The following PPP6C variants were observed in gnomAD, a reference collection of about 807,000 sequenced individuals.
PPP6C encodes protein phosphatase 6 catalytic subunit.
In PPP6C, 11 loss-of-function variants were observed where a neutral mutation model predicts 39.8. The observed-to-expected ratio is 0.28, with a 90% confidence interval of 0.17 to 0.46. The LOEUF is 0.46. Among genes scored for constraint, PPP6C ranks in the 20% least tolerant of loss-of-function variants. The pLI is 1.00. For synonymous variants in PPP6C, 129 were observed against 130.3 expected, an observed-to-expected ratio of 0.99 and a Z score of 0.07; for missense variants, 211 against 373.9, an observed-to-expected ratio of 0.56 and a Z score of 3.59.
At chr9:125,171,736 T>C (rs2034981737) in intron 1 of PPP6C, among the ~76,000 whole-genome samples, 1 of 151,756 alleles carries the variant, frequency 6.6e-6, no homozygotes, top group Non-Finnish European at 1.5e-5. Flanking sequence ...GTATTTTTAG[T>C]AGACACAGGG....
In PPP6C at chr9:125,171,476, CACATATATATATAT is replaced by C. The variant is rs1339103827; in HGVS notation, c.76-310_76-297del. On this transcript the variant is annotated intron_variant, in intron 1 of 6. Transcript: ENST00000373547. ...ACACACATATACACACACACACACA[CACATATATATATAT>C]ATATATATATATATATATATATATA... is the stretch of plus-strand genomic sequence containing the variant. Among the ~76,000 whole-genome samples the C allele has an allele frequency of 4.2e-3, 243 of 57,180 alleles. 2 individuals are homozygous for C. The highest frequency in any genetic ancestry group is 0.023 in the South Asian group (40 of 1,742). The allele number at this position is 57,180 out of a possible 152,430, so 37.5% of individuals were successfully genotyped here. A position where few individuals can be genotyped will look rare whatever the true frequency, so the allele number is the denominator to read the frequency against.
chr9:125,161,006 C>T, intron 2 of PPP6C, 100 bp from the exon 3 acceptor site: 1 of 676,988 alleles, frequency 1.5e-6, no homozygotes, highest in Non-Finnish European at 2.3e-6. Flanking sequence ...TAAGAGGACT[C>T]CAAATATTTA....
intron 1 of PPP6C, among the ~76,000 whole-genome samples, chr9:125,180,923 G>C (rs1449992246): frequency 6.6e-6 from 1 of 152,138 alleles, no homozygotes; most frequent in Non-Finnish European, 1.5e-5. Context: ...GAGAACACGT[G>C]TAAACTACCT....
chr9:125,189,066 A>C, intron 1 of PPP6C: 2 of 713,546 alleles, frequency 2.8e-6, no homozygotes, highest in Non-Finnish European at 2.3e-6. Context: ...AATTAGCAAA[A>C]CCGACGATCC....
In PPP6C at chr9:125,157,522, C is replaced by T. The variant is rs563111744; in HGVS notation, c.379+719G>A. ...AGGTATGTCCCCATTTTAGTGTGCA[C>T]GTGTTTGTACATATATAAACACACA... On this transcript the variant is annotated intron_variant, in intron 4 of 6. Transcript: ENST00000373547. Among the ~76,000 whole-genome samples the T allele has an allele frequency of 2.8e-4, 42 of 152,130 alleles. No homozygotes were observed. The South Asian group carries it at 8.5e-3, about 31-fold the overall frequency.
chr9:125,171,521 A>G (rs1829165050), intron 1 of PPP6C, among the ~76,000 whole-genome samples: 1 of 141,602 alleles, frequency 7.1e-6, no homozygotes, highest in Admixed American at 7.3e-5. Flanking sequence ...ATATATGAAG[A>G]AATAATTTTA....
intron 4 of PPP6C, among the ~76,000 whole-genome samples, chr9:125,157,054 T>C (rs552559571): frequency 1.3e-5 from 2 of 152,238 alleles, no homozygotes; most frequent in African/African-American, 4.8e-5. Context: ...TATGTATACA[T>C]GTGTCATGTT....
At chr9:125,154,251 T>C (rs1836016894) in intron 4 of PPP6C, among the ~76,000 whole-genome samples, 1 of 152,232 alleles carries the variant, frequency 6.6e-6, no homozygotes, top group African/African-American at 2.4e-5. Context: ...GTGAACATCA[T>C]CGGATGTCCT....
chr9:125,174,136 T>C (rs531619231), intron 1 of PPP6C, among the ~76,000 whole-genome samples: 21 of 152,322 alleles, frequency 1.4e-4, no homozygotes, highest in Admixed American at 1.1e-3. Flanking sequence ...CAAAGGCTTA[T>C]TGGATTTTAC....
rs148599628 is a variant in PPP6C, at chr9:125,176,431, G to A, written c.76-5251C>T. On this transcript the variant is annotated intron_variant, in intron 1 of 6. Transcript: ENST00000373547. The stretch of plus-strand genomic sequence containing the variant: ...AGCACTTTGGGAGGCCGAGGTGAGC[G>A]TATCACTTGAGCTCAGGAGTTCGAG... Among the ~76,000 whole-genome samples the A allele has an allele frequency of 7.7e-4, 117 of 152,262 alleles. 2 individuals carry two copies. Among genetic ancestry groups the A allele is most frequent in the African/African-American group, 2.2e-3 (92 of 41,556 alleles).
intron 1 of PPP6C, chr9:125,188,818 A>T (rs1210851898): frequency 4.7e-6 from 2 of 423,824 alleles, no homozygotes; most frequent in South Asian, 5.7e-5. Flanking sequence ...TAATAATAAT[A>T]ATTAAAAAGT....
chr9:125,178,953 G>A (rs559083347), intron 1 of PPP6C, among the ~76,000 whole-genome samples: 1 of 152,192 alleles, frequency 6.6e-6, no homozygotes, highest in African/African-American at 2.4e-5. Flanking sequence ...GGTGGCTCAC[G>A]TCTGTAATCC....
intron 6 of PPP6C, among the ~76,000 whole-genome samples, chr9:125,151,874 T>A (rs188572689): frequency 6.6e-6 from 1 of 152,346 alleles, no homozygotes; most frequent in African/African-American, 2.4e-5. Flanking sequence ...CTTTTGAGGA[T>A]GTTGTGTGGG....
chr9:125,161,563 C>G (rs970783779), intron 2 of PPP6C, among the ~76,000 whole-genome samples: 1 of 152,084 alleles, frequency 6.6e-6, no homozygotes, highest in Non-Finnish European at 1.5e-5. Flanking sequence ...CCTACCTTGC[C>G]CTCCTCAGTA....
chr9:125,149,977 A>G (rs1437812207), intron 6 of PPP6C, 56 bp from the exon 7 acceptor site: 3 of 1,563,618 alleles, frequency 1.9e-6, no homozygotes, highest in African/African-American at 2.7e-5. Context: ...ATCGGCCTAC[A>G]TAATCATTTA....
chr9:125,179,030 C>T lies in PPP6C; in HGVS notation c.76-7850G>A, dbSNP rs144329610. Among the ~76,000 whole-genome samples, 310 of 152,182 alleles carry T rather than the reference C, an allele frequency of 2.0e-3. 7 individuals are homozygous for T. The highest frequency in any genetic ancestry group is 0.017 in the Admixed American group (255 of 15,280). On this transcript the variant is annotated intron_variant, in intron 1 of 6. Transcript: ENST00000373547. ...AGGAGTTCGAGACCAGCATGACCAA[C>T]GCAGAGAAACCCCATCTCTACTAAA...
At chr9:125,172,901 T>C (rs1829207299) in intron 1 of PPP6C, among the ~76,000 whole-genome samples, 1 of 152,184 alleles carries the variant, frequency 6.6e-6, no homozygotes, top group African/African-American at 2.4e-5. Context: ...ACTATAGTTC[T>C]ACAAAATGTT....
intron 6 of PPP6C, chr9:125,151,260 G>A (rs1835934161): frequency 2.0e-6 from 3 of 1,500,426 alleles, no homozygotes; most frequent in Non-Finnish European, 2.8e-6. Context: ...GTGCTTGTGG[G>A]AGATGTGAAG....
At chr9:125,157,201 G>C (rs1015407069) in intron 4 of PPP6C, among the ~76,000 whole-genome samples, 1 of 143,640 alleles carries the variant, frequency 7.0e-6, no homozygotes, top group African/African-American at 2.6e-5. Flanking sequence ...GGCTGGTCTC[G>C]AACTCCTGAC....
Sources: allele counts gnomAD v4.1 joint callset (sites outside exome capture counted in the v4.1 genomes callset), GRCh38; gene constraint gnomAD v4.1.1; transcripts MANE v1.5; gene names NCBI Gene and HGNC (gene_info 2026-07-23, HGNC 2026-07-21).